GULP1: variants seen among roughly 807,000 people sequenced by gnomAD.
The protein encoded by GULP1 is GULP PTB domain containing engulfment adaptor 1.
A neutral mutation model predicts 40.9 loss-of-function variants in GULP1; 19 were observed. The observed-to-expected ratio is 0.46, with a 90% CI of 0.32 to 0.68. GULP1 has a LOEUF of 0.68. GULP1 is among the 30% of genes least tolerant of loss of function. GULP1 has a pLI of 0.03. For synonymous variants in GULP1, 119 were observed against 117.6 expected, an observed-to-expected ratio of 1.01 and a Z score of -0.08; for missense variants, 312 against 362.2, an observed-to-expected ratio of 0.86 and a Z score of 1.12.
chr2:188,522,892 G>A, intron 5 of GULP1, 65 bp downstream of exon 5: 2 of 998,444 alleles, frequency 2.0e-6, no homozygotes, highest in Non-Finnish European at 3.2e-6. Flanking sequence ...GCAGATTGAT[G>A]GAGATCAAAG....
At chr2:188,459,772 T>G (rs1451304103) in intron 2 of GULP1, among the ~76,000 whole-genome samples, 1 of 152,202 alleles carries the variant, frequency 6.6e-6, no homozygotes, top group East Asian at 1.9e-4. Context: ...AGTTTCATAA[T>G]TTGAAGTCTT....
At chr2:188,502,231 A>G (rs1026743780) in intron 4 of GULP1, among the ~76,000 whole-genome samples, 3 of 151,844 alleles carry the variant, frequency 2.0e-5, no homozygotes, top group Admixed American at 6.6e-5. Flanking sequence ...TCTGATATCC[A>G]TGGAAGGTGG....
intron 4 of GULP1, among the ~76,000 whole-genome samples, chr2:188,484,621 G>A (rs1460567088): frequency 6.6e-6 from 1 of 151,872 alleles, no homozygotes; most frequent in Non-Finnish European, 1.5e-5. Flanking sequence ...ATTAGGCATA[G>A]CAATTATTTC....
chr2:188,442,163 T>C (rs1411404625), intron 2 of GULP1, among the ~76,000 whole-genome samples: 1 of 152,228 alleles, frequency 6.6e-6, no homozygotes, highest in Non-Finnish European at 1.5e-5. Flanking sequence ...TTTAAATTTA[T>C]AATAAAGGTC....
At chr2:188,546,197 A>G (rs554079169) in intron 7 of GULP1, among the ~76,000 whole-genome samples, 3 of 152,108 alleles carry the variant, frequency 2.0e-5, no homozygotes, top group Admixed American at 6.5e-5. Flanking sequence ...AGGATATAGA[A>G]TTACTCAACA....
chr2:188,543,791 C>T (rs1360471156), intron 7 of GULP1, among the ~76,000 whole-genome samples: 1 of 152,086 alleles, frequency 6.6e-6, no homozygotes, highest in Non-Finnish European at 1.5e-5. Flanking sequence ...TATATTACTC[C>T]CATAACTGTG....
At position 188,497,508 on chromosome 2, in the gene GULP1, A is replaced by C. The variant is rs1042013563; in HGVS notation, c.90+14016A>C. ...TTTCACCATGAAATACCTTATAATG[A>C]GATGACGTGTTTATCTATAGTGAGT... is the stretch of plus-strand genomic sequence containing the variant. On this transcript the variant is annotated intron_variant, in intron 4 of 11. Transcript: ENST00000409830. Among the ~76,000 whole-genome samples, 3 of 152,022 alleles carry C rather than the reference A, an allele frequency of 2.0e-5. 1 individual carries two copies. Among genetic ancestry groups the C allele is most frequent in the African/African-American group, 7.2e-5 (3 of 41,424 alleles).
At chr2:188,397,498 C>T (rs968679491) in intron 2 of GULP1, among the ~76,000 whole-genome samples, 1 of 152,150 alleles carries the variant, frequency 6.6e-6, no homozygotes, top group Non-Finnish European at 1.5e-5. Flanking sequence ...CTAAATAAAA[C>T]TCACTGCAAT....
intron 7 of GULP1, among the ~76,000 whole-genome samples, chr2:188,561,877 A>G (rs1696386634): frequency 6.6e-6 from 1 of 152,086 alleles, no homozygotes; most frequent in African/African-American, 2.4e-5. Context: ...CCGCTACAGG[A>G]GCCCCTACTC....
chr2:188,465,538 C>T (rs1232073340), intron 2 of GULP1, among the ~76,000 whole-genome samples: 1 of 152,012 alleles, frequency 6.6e-6, no homozygotes, highest in East Asian at 1.9e-4. Context: ...GGTCATGACC[C>T]CCTCTCTCCC....
Position 188,418,564 on chromosome 2 carries a change from T to A in GULP1, c.-45+34675T>A, listed in dbSNP as rs2054909459. On this transcript the variant is annotated intron_variant, in intron 2 of 11. Coordinates refer to ENST00000409830, the MANE Select transcript of GULP1 (RefSeq NM_016315.4). ...ACAAGAATCAGTTGAACCTGGGAGG[T>A]GGAGGTTGCAGTGAGCTGAAATCAC... Among the ~76,000 whole-genome samples the A allele has an allele frequency of 3.3e-5, 5 of 151,992 alleles. No individual in the cohort carries two copies. The South Asian group carries it at 1.0e-3, about 31-fold the overall frequency.
At chr2:188,384,978 A>G (rs549003106) in intron 2 of GULP1, among the ~76,000 whole-genome samples, 1 of 152,180 alleles carries the variant, frequency 6.6e-6, no homozygotes, top group East Asian at 1.9e-4. Context: ...TGAGTGTCTG[A>G]GTCTTTTCCA....
chr2:188,504,985 A>G (rs900106017), intron 4 of GULP1, among the ~76,000 whole-genome samples: 1 of 149,152 alleles, frequency 6.7e-6, no homozygotes, highest in Admixed American at 6.7e-5. Flanking sequence ...AATTTGTTTT[A>G]TCTTTCTGTA....
At chr2:188,500,404 T>C (rs1248856549) in intron 4 of GULP1, among the ~76,000 whole-genome samples, 2 of 151,900 alleles carry the variant, frequency 1.3e-5, no homozygotes, top group South Asian at 2.1e-4. Flanking sequence ...AAGCCACAAA[T>C]TGAGTGGCTT....
chr2:188,421,866 T>C (rs910922692), intron 2 of GULP1, among the ~76,000 whole-genome samples: 3 of 152,192 alleles, frequency 2.0e-5, no homozygotes, highest in Non-Finnish European at 2.9e-5. Flanking sequence ...TTTAGAAATA[T>C]CATTTGAACT....
chr2:188,372,851 A>G (rs1258418512), intron 1 of GULP1, among the ~76,000 whole-genome samples: 2 of 151,998 alleles, frequency 1.3e-5, no homozygotes, highest in Non-Finnish European at 2.9e-5. Context: ...ATAGGAAACT[A>G]TCTTCAGGTA....
chr2:188,307,572 CAATA>C (rs68123011), intron 1 of GULP1, among the ~76,000 whole-genome samples: 23,016 of 151,770 alleles, frequency 0.15, 1,857 homozygotes, highest in African/African-American at 0.17. Flanking sequence ...TCACATGGGT[CAATA>C]GTTTTCAATT....
chr2:188,477,616 A>G, intron 2 of GULP1, 43 bp from the exon 3 acceptor site: 1 of 1,009,336 alleles, frequency 9.9e-7, no homozygotes, highest in South Asian at 1.5e-5. Context: ...GAGGTCAGTC[A>G]ACAGTCCTTT....
At chr2:188,296,550 G>C (rs77663174) in intron 1 of GULP1, among the ~76,000 whole-genome samples, 11,288 of 146,720 alleles carry the variant, frequency 0.077, 583 homozygotes, top group Non-Finnish European at 0.1. Context: ...TTTGAAATTA[G>C]TTTTGTCTTT....
Sources: gnomAD v4.1 joint callset for allele counts (sites outside exome capture counted in the v4.1 genomes callset) on GRCh38, gnomAD v4.1.1 for gene constraint, MANE v1.5 for transcripts, NCBI Gene and HGNC (gene_info 2026-07-23, HGNC 2026-07-21) for gene names.